Variants in ERI1 observed in about 807,000 individuals in gnomAD.
ERI1 encodes the protein 3'-5' exoribonuclease 1.
A neutral mutation model predicts 39.7 loss-of-function variants in ERI1; 39 were observed. That is an observed-to-expected ratio of 0.98 (90% CI 0.76 to 1.28). The LOEUF (loss-of-function observed/expected upper bound fraction) is 1.28. Among genes scored for constraint, ERI1 ranks in the 50% most tolerant of loss-of-function variants. The pLI, the probability that ERI1 is intolerant of heterozygous loss-of-function variation, is 0.00. For synonymous variants in ERI1, 204 were observed against 149.6 expected (o/e 1.36, Z -2.65); for missense variants, 581 against 416.9 (o/e 1.39, Z -3.43).
chr8:9,006,323 T>G (rs528783844), intron 1 of ERI1, among the ~76,000 whole-genome samples: 4 of 152,196 alleles, frequency 2.6e-5, no homozygotes, highest in Non-Finnish European at 5.9e-5. Flanking sequence ...AATTTTTCTT[T>G]ATGGAAGTCA....
intron 3 of ERI1, among the ~76,000 whole-genome samples, chr8:9,050,788 A>T (rs1798332568): frequency 6.6e-6 from 1 of 152,038 alleles, no homozygotes; most frequent in African/African-American, 2.4e-5. Context: ...TCCCACCACA[A>T]CTCCGGGCCT....
intron 3 of ERI1, among the ~76,000 whole-genome samples, chr8:9,076,231 A>G (rs7841337): frequency 0.05 from 7,598 of 152,260 alleles, 575 homozygotes; most frequent in African/African-American, 0.16. Context: ...GGTGTGAGCC[A>G]CTGTGCCCAG....
chr8:9,018,543 C>T (rs1221453815), intron 5 of ERI1, 137 bp downstream of exon 5: 15 of 543,840 alleles, frequency 2.8e-5, no homozygotes, highest in Non-Finnish European at 4.9e-5. Context: ...TAGTATTTTT[C>T]CTTTCACCTA....
chr8:9,076,029 G>C (rs535242578), intron 3 of ERI1, among the ~76,000 whole-genome samples: 2 of 152,140 alleles, frequency 1.3e-5, no homozygotes, highest in East Asian at 3.9e-4. Flanking sequence ...TCAATCTCCT[G>C]GGTCCAAGTG....
At chr8:9,021,538 T>C (rs983456059) in intron 6 of ERI1, among the ~76,000 whole-genome samples, 1 of 152,170 alleles carries the variant, frequency 6.6e-6, no homozygotes, top group Non-Finnish European at 1.5e-5. Flanking sequence ...GAAGTATGCA[T>C]GCAGAAAAGT....
intron 2 of ERI1, among the ~76,000 whole-genome samples, chr8:9,010,508 A>G (rs1816549957): frequency 1.3e-5 from 2 of 152,208 alleles, no homozygotes. Context: ...TACTATTTTC[A>G]TGGGTAGGAT....
chr8:9,004,397 A>T (rs569213965), intron 1 of ERI1: 2 of 624,832 alleles, frequency 3.2e-6, no homozygotes, highest in Non-Finnish European at 4.3e-6. Context: ...TTTTACAGCT[A>T]CTTAAGGCCT....
At chr8:9,080,765 G>A (rs1030581913) in intron 3 of ERI1, among the ~76,000 whole-genome samples, 14 of 152,096 alleles carry the variant, frequency 9.2e-5, no homozygotes, top group African/African-American at 1.9e-4. Flanking sequence ...CCACTCTCTC[G>A]GCTCCTGCAG....
At chr8:9,055,181 A>G (rs1798468251) in intron 3 of ERI1, among the ~76,000 whole-genome samples, 1 of 152,194 alleles carries the variant, frequency 6.6e-6, no homozygotes, top group Non-Finnish European at 1.5e-5. Context: ...GAGGCACAGA[A>G]ACAGGCAGAT....
At chr8:9,074,488 C>T (rs1331682459) in intron 3 of ERI1, among the ~76,000 whole-genome samples, 1 of 152,140 alleles carries the variant, frequency 6.6e-6, no homozygotes, top group East Asian at 1.9e-4. Flanking sequence ...GTCACCCAGG[C>T]TGGAGTGCAG....
chr8:9,010,942 C>G (rs116741985), intron 2 of ERI1, among the ~76,000 whole-genome samples: 3 of 152,066 alleles, frequency 2.0e-5, no homozygotes, highest in Non-Finnish European at 4.4e-5. Context: ...TGTGATAATG[C>G]TCCTTTGGAC....
intron 6 of ERI1, 72 bp downstream of exon 6, chr8:9,020,536 T>G: frequency 2.1e-6 from 2 of 942,216 alleles, no homozygotes; most frequent in South Asian, 3.4e-5. Flanking sequence ...GTACGTTAGA[T>G]TGTAATTTTC....
chr8:9,012,842 C>T (rs1816807709), intron 3 of ERI1, among the ~76,000 whole-genome samples: 1 of 152,184 alleles, frequency 6.6e-6, no homozygotes, highest in Non-Finnish European at 1.5e-5. Context: ...GAAAATTCTT[C>T]ACTTAAGTTA....
chr8:9,063,690 C>T (rs1416756841), intron 3 of ERI1, among the ~76,000 whole-genome samples: 5 of 152,146 alleles, frequency 3.3e-5, no homozygotes, highest in Non-Finnish European at 4.4e-5. Flanking sequence ...AATGCCTGGA[C>T]ATCGGGCATC....
chr8:9,004,905 C>G (rs1585178165), intron 1 of ERI1, among the ~76,000 whole-genome samples: 1 of 152,156 alleles, frequency 6.6e-6, no homozygotes, highest in East Asian at 1.9e-4. Flanking sequence ...CCATGCTGGT[C>G]TGGAACTCCT....
chr8:9,002,899 A>T lies in ERI1; in HGVS notation c.-165A>T. On this transcript the variant is annotated 5_prime_UTR_variant, in exon 1 of 7. Coordinates refer to ENST00000250263, the MANE Select transcript of ERI1 (RefSeq NM_153332.4). ...CGCCTGCCCGGCGTGTGGACGCCAC[A>T]CGCTCCCGGAAGTGGGAGGTGGCCG... The T allele has an allele frequency of 1.1e-5, 5 of 443,308 alleles. No individual in the cohort carries two copies. Among genetic ancestry groups the T allele is most frequent in the Non-Finnish European group, 1.9e-5 (5 of 269,206 alleles). 27.5% of individuals were successfully genotyped at this position (443,308 alleles called of 1,614,324 possible). A position where few individuals can be genotyped will look rare whatever the true frequency, so the allele number is the denominator to read the frequency against.
downstream of ERI1, among the ~76,000 whole-genome samples, chr8:9,034,218 T>A (rs151078097): frequency 2.7e-4 from 41 of 152,386 alleles, no homozygotes; most frequent in African/African-American, 9.6e-4. Context: ...TCTGCTTTTC[T>A]ACTTGCAAGT....
At chr8:9,007,934 C>G (rs7834339) in intron 1 of ERI1, 36 bp from the exon 2 acceptor site, 4 of 1,071,422 alleles carry the variant, frequency 3.7e-6, no homozygotes, top group Non-Finnish European at 5.0e-6. Flanking sequence ...TAAACTACAT[C>G]CTTTTTTTTT....
Position 9,032,093 on chromosome 8 carries a change from C to G in ERI1, c.*2059C>G, listed in dbSNP as rs557414529. 1.3e-5 allele frequency: 2 copies of G among 152,228 alleles called. No individual in the cohort carries two copies. The highest frequency in any genetic ancestry group is 4.8e-5 in the African/African-American group (2 of 41,526). 9.4% of individuals were successfully genotyped at this position (152,228 alleles called of 1,614,324 possible). A position where few individuals can be genotyped will look rare whatever the true frequency, so the allele number is the denominator to read the frequency against. On this transcript the variant is annotated 3_prime_UTR_variant, in exon 7 of 7. Transcript: ENST00000250263. Reference sequence around the variant, plus strand: ...TTTAATTCCTCTGTTGAGTCTCTGTCCTCCCCTCCAATTTGATTTGGGATT... The same window carrying G: ...TTTAATTCCTCTGTTGAGTCTCTGTGCTCCCCTCCAATTTGATTTGGGATT...
Sources: gnomAD v4.1 joint callset for allele counts (sites outside exome capture counted in the v4.1 genomes callset) on GRCh38, gnomAD v4.1.1 for gene constraint, MANE v1.5 for transcripts, NCBI Gene and HGNC (gene_info 2026-07-23, HGNC 2026-07-21) for gene names.